Variants in KIRREL3 observed in about 807,000 individuals in gnomAD.
The protein encoded by KIRREL3 is kin of IRRE-like protein 3.
KIRREL3 carries 36 observed loss-of-function variants against 89.7 expected under a neutral mutation model. The observed-to-expected ratio is 0.40, with a 90% CI of 0.31 to 0.53. The LOEUF (loss-of-function observed/expected upper bound fraction) is 0.53. KIRREL3 is among the 20% of genes least tolerant of loss of function. The pLI, the probability that KIRREL3 is intolerant of heterozygous loss-of-function variation, is 0.49. For synonymous variants in KIRREL3, 445 were observed against 441.4 expected, an observed-to-expected ratio of 1.01 and a Z score of -0.10; for missense variants, 864 against 1,056.6, an observed-to-expected ratio of 0.82 and a Z score of 2.53.
rs371115076 is a variant in KIRREL3, at chr11:126,454,676, C to T, written c.848+1673G>A. ...CCTAGGGCCAGGGAGTCTCATTGGG[C>T]GCCTCTCTTGTATCTTCAGTGGCTT... On this transcript the variant is annotated intron_variant, in intron 7 of 16. Coordinates refer to ENST00000525144, the MANE Select transcript of KIRREL3 (RefSeq NM_032531.4). The surrounding 1 kb of genome is among the most constrained non-coding windows in gnomAD (Gnocchi z 5.8). Among the ~76,000 whole-genome samples the T allele has an allele frequency of 1.2e-4, 19 of 152,142 alleles. No homozygotes were observed. Among genetic ancestry groups the T allele is most frequent in the South Asian group, 1.2e-3 (6 of 4,816 alleles).
rs113759367 is a variant in KIRREL3, at chr11:126,764,860, T to C, written c.56-201948A>G. 0.013 allele frequency among the ~76,000 whole-genome samples: 1,957 copies of C among 152,060 alleles called. 33 individuals carry two copies. Among genetic ancestry groups the C allele is most frequent in the African/African-American group, 0.045 (1,865 of 41,458 alleles). Reference sequence around the variant, plus strand: ...CTTTGGACTAGGCCTTTGGCAGGAGTCCTCTACTCTCGGCCTGGATCCTCT... The same window carrying C: ...CTTTGGACTAGGCCTTTGGCAGGAGCCCTCTACTCTCGGCCTGGATCCTCT... On this transcript the variant is annotated intron_variant, in intron 1 of 16. Coordinates refer to ENST00000525144, the MANE Select transcript of KIRREL3 (RefSeq NM_032531.4). This position sits in a 1 kb window ranked among gnomAD's most constrained non-coding sequence, Gnocchi z 4.2.
chr11:126,875,946 A>AT (rs1945269384), intron 1 of KIRREL3, among the ~76,000 whole-genome samples: 1 of 152,172 alleles, frequency 6.6e-6, no homozygotes, highest in Non-Finnish European at 1.5e-5. Flanking sequence ...ATATCATGAG[A>AT]TGCTAGAAAC....
chr11:126,512,345 C>A (rs1335021958), intron 4 of KIRREL3, among the ~76,000 whole-genome samples: 2 of 152,250 alleles, frequency 1.3e-5, no homozygotes, highest in Non-Finnish European at 2.9e-5. Flanking sequence ...TGAGGCGAAG[C>A]TGTCCATGTG....
At chr11:126,663,115 A>G (rs1359828273) in intron 1 of KIRREL3, among the ~76,000 whole-genome samples, 1 of 147,220 alleles carries the variant, frequency 6.8e-6, no homozygotes, top group Non-Finnish European at 1.5e-5. Flanking sequence ...GGGACTGATG[A>G]GCATGGGGAG....
chr11:126,476,332 G>A lies in KIRREL3; in HGVS notation c.434-2866C>T, dbSNP rs996392569. On this transcript the variant is annotated intron_variant, in intron 4 of 16. Coordinates refer to ENST00000525144, the MANE Select transcript of KIRREL3 (RefSeq NM_032531.4). The surrounding 1 kb of genome is among the most constrained non-coding windows in gnomAD (Gnocchi z 6.4). ...CAGCTTTCTGGGCTCTGGACTCTGG[G>A]CTGAGGGGCAGGAGCCTCTGCTTGC... is the stretch of plus-strand genomic sequence containing the variant. Among the ~76,000 whole-genome samples, 1 of 152,234 alleles carries A rather than the reference G, an allele frequency of 6.6e-6. No homozygotes were observed. The highest frequency in any genetic ancestry group is 2.4e-5 in the African/African-American group (1 of 41,460).
At chr11:126,678,401 C>A (rs1381464830) in intron 1 of KIRREL3, among the ~76,000 whole-genome samples, 2 of 151,938 alleles carry the variant, frequency 1.3e-5, no homozygotes, top group South Asian at 4.2e-4. Flanking sequence ...GAGATTGAGA[C>A]CACCCTGGCT....
rs1379009373 is a variant in KIRREL3, at chr11:126,994,211, A to T, written c.55+6244T>A. Among the ~76,000 whole-genome samples, 1 of 151,058 alleles carries T rather than the reference A, an allele frequency of 6.6e-6. No individual in the cohort carries two copies. Among genetic ancestry groups the T allele is most frequent in the African/African-American group, 2.5e-5 (1 of 40,762 alleles). On this transcript the variant is annotated intron_variant, in intron 1 of 16. Coordinates refer to ENST00000525144, the MANE Select transcript of KIRREL3 (RefSeq NM_032531.4). This position sits in a 1 kb window ranked among gnomAD's most constrained non-coding sequence, Gnocchi z 5.2. ...GTGGTGTGTGCGTGTGTGTGTGTGT[A>T]TGTGTTCAGTAGGGGGTCAGGAGGG...
intron 1 of KIRREL3, among the ~76,000 whole-genome samples, chr11:126,827,662 G>A (rs566531156): frequency 6.6e-6 from 1 of 152,292 alleles, no homozygotes; most frequent in Non-Finnish European, 1.5e-5. Context: ...TTACATAGGT[G>A]GGCATATCCC....
intron 1 of KIRREL3, among the ~76,000 whole-genome samples, chr11:126,757,163 G>T (rs1949530531): frequency 6.6e-6 from 1 of 152,134 alleles, no homozygotes; most frequent in South Asian, 2.1e-4. Flanking sequence ...GACTAATGTG[G>T]CATTTACAAC....
rs550471478 is a variant in KIRREL3, at chr11:126,527,627, G to A, written c.134-940C>T. On this transcript the variant is annotated intron_variant, in intron 2 of 16. Coordinates refer to ENST00000525144, the MANE Select transcript of KIRREL3 (RefSeq NM_032531.4). The surrounding 1 kb of genome is among the most constrained non-coding windows in gnomAD (Gnocchi z 4.2). The stretch of plus-strand genomic sequence containing the variant: ...TTGTGAATTGCTCACCAAGTACGGC[G>A]CATGCCCTGACTCTAGTTATCACCG... Among the ~76,000 whole-genome samples, 31 of 152,260 alleles carry A rather than the reference G, an allele frequency of 2.0e-4. 1 individual carries two copies. In the South Asian group the frequency reaches 3.7e-3, roughly 18 times the overall value.
At position 126,764,540 on chromosome 11, in the gene KIRREL3, T is replaced by C. The variant is rs1949759551; in HGVS notation, c.56-201628A>G. 6.6e-6 allele frequency among the ~76,000 whole-genome samples: 1 copy of C among 152,226 alleles called. No homozygotes were observed. The stretch of plus-strand genomic sequence containing the variant: ...CAACCTTCTTTGCTGCACCCGCCGC[T>C]GCCTCATGAGGTTCCTGGCAGCTCT... On this transcript the variant is annotated intron_variant, in intron 1 of 16. Transcript: ENST00000525144. The surrounding 1 kb of genome is among the most constrained non-coding windows in gnomAD (Gnocchi z 4.2).
rs1009667896 is a variant in KIRREL3, at chr11:126,710,392, G to T, written c.56-147480C>A. ...TCTCCTCTTCCTGTTGAAGTTCAGC[G>T]TGGTTCTGGAAGTACCTGAGTGGGA... On this transcript the variant is annotated intron_variant, in intron 1 of 16. Transcript: ENST00000525144. This position sits in a 1 kb window ranked among gnomAD's most constrained non-coding sequence, Gnocchi z 4.2. Among the ~76,000 whole-genome samples, 1 of 152,150 alleles carries T rather than the reference G, an allele frequency of 6.6e-6. No homozygotes were observed. The highest frequency in any genetic ancestry group is 1.5e-5 in the Non-Finnish European group (1 of 68,028).
chr11:126,949,000 G>A lies in KIRREL3; in HGVS notation c.55+51455C>T, dbSNP rs759312039. 6.6e-6 allele frequency among the ~76,000 whole-genome samples: 1 copy of A among 152,156 alleles called. No homozygotes were observed. Among genetic ancestry groups the A allele is most frequent in the Non-Finnish European group, 1.5e-5 (1 of 68,034 alleles). The stretch of plus-strand genomic sequence containing the variant: ...CAGGCACAGAGCAAGTGTTTAAAAT[G>A]TTAGCCATTCTTGGCTTTTTATATT... On this transcript the variant is annotated intron_variant, in intron 1 of 16. Transcript: ENST00000525144. The surrounding 1 kb of genome is among the most constrained non-coding windows in gnomAD (Gnocchi z 4.5).
Position 126,424,060 on chromosome 11 carries a change from C to T in KIRREL3, c.*520G>A, listed in dbSNP as rs1954831451. The T allele has an allele frequency of 6.3e-6, 1 of 159,668 alleles. No homozygotes were observed. The highest frequency in any genetic ancestry group is 2.4e-5 in the African/African-American group (1 of 41,554). The allele number at this position is 159,668 out of a possible 1,614,324, so 9.9% of individuals were successfully genotyped here. On this transcript the variant is annotated 3_prime_UTR_variant, in exon 17 of 17. Coordinates refer to ENST00000525144, the MANE Select transcript of KIRREL3 (RefSeq NM_032531.4). ...AAGGCCATTTCTGGCTTGTCAGCCTCCAGGGTATGGGCTATGAGCAGCAGT... is the reference window on the plus strand; with the variant it reads ...AAGGCCATTTCTGGCTTGTCAGCCTTCAGGGTATGGGCTATGAGCAGCAGT...
chr11:126,652,909 C>T lies in KIRREL3; in HGVS notation c.56-89997G>A, dbSNP rs1358314815. The T allele has an allele frequency of 6.6e-6, 1 of 152,232 alleles. No individual in the cohort carries two copies. Among genetic ancestry groups the T allele is most frequent in the South Asian group, 2.1e-4 (1 of 4,818 alleles). The allele number at this position is 152,232 out of a possible 1,614,324, so 9.4% of individuals were successfully genotyped here. On this transcript the variant is annotated intron_variant, in intron 1 of 16. Transcript: ENST00000525144. This position sits in a 1 kb window ranked among gnomAD's most constrained non-coding sequence, Gnocchi z 4.9. ...AGAAAAAGCCCTACAAGGATTAATG[C>T]AAGAAGAAGTTCTGCTTTGGGTGAG...
Position 127,000,752 on chromosome 11 carries a change from C to T in KIRREL3, c.-243G>A, listed in dbSNP as rs971601248. On this transcript the variant is annotated 5_prime_UTR_variant, in exon 1 of 17. Coordinates refer to ENST00000525144, the MANE Select transcript of KIRREL3 (RefSeq NM_032531.4). The surrounding 1 kb of genome is among the most constrained non-coding windows in gnomAD (Gnocchi z 7.1). ...CGGGATTGTCAGCAATGTCCCCACT[C>T]GGAGAAGATCCATTCTCTGGCTCTT... The T allele has an allele frequency of 1.9e-6, 1 of 518,608 alleles. No homozygotes were observed. Among genetic ancestry groups the T allele is most frequent in the South Asian group, 3.2e-5 (1 of 31,252 alleles). 32.1% of individuals were successfully genotyped at this position (518,608 alleles called of 1,614,324 possible).
chr11:126,893,709 C>T (rs1032819059), intron 1 of KIRREL3, among the ~76,000 whole-genome samples: 3 of 152,226 alleles, frequency 2.0e-5, no homozygotes, highest in African/African-American at 7.2e-5. Flanking sequence ...CCCTCTCCCA[C>T]GTCTGAATGC....
intron 1 of KIRREL3, among the ~76,000 whole-genome samples, chr11:126,661,745 C>T (rs1945413092): frequency 6.6e-6 from 1 of 152,200 alleles, no homozygotes; most frequent in Non-Finnish European, 1.5e-5. Context: ...ACCCAGGCTC[C>T]ATCCCCAGAG....
rs773745907 is a variant in KIRREL3, at chr11:126,917,342, G to A, written c.55+83113C>T. Among the ~76,000 whole-genome samples the A allele has an allele frequency of 6.6e-6, 1 of 152,138 alleles. No individual in the cohort carries two copies. Among genetic ancestry groups the A allele is most frequent in the Admixed American group, 6.5e-5 (1 of 15,276 alleles). ...ATTGCTTAATGGGTACAGAATTTCT[G>A]TTTACAGTGATGAAAAAGTTCTGGA... On this transcript the variant is annotated intron_variant, in intron 1 of 16. Coordinates refer to ENST00000525144, the MANE Select transcript of KIRREL3 (RefSeq NM_032531.4). The surrounding 1 kb of genome is among the most constrained non-coding windows in gnomAD (Gnocchi z 5.0).
Sources: allele counts gnomAD v4.1 joint callset (sites outside exome capture counted in the v4.1 genomes callset), GRCh38; gene constraint gnomAD v4.1.1; non-coding constraint Gnocchi (gnomAD v3.1); transcripts MANE v1.5; gene names NCBI Gene and HGNC (gene_info 2026-07-23, HGNC 2026-07-21).